Variants in TNRC6B observed in about 807,000 individuals in gnomAD.
TNRC6B encodes the protein trinucleotide repeat containing adaptor 6B.
In TNRC6B, 52 loss-of-function variants were observed where a neutral mutation model predicts 203.6. That is an observed-to-expected ratio of 0.26 (90% CI 0.20 to 0.32). The LOEUF is 0.32. Among genes scored for constraint, TNRC6B ranks in the 10% least tolerant of loss-of-function variants. The probability of loss-of-function intolerance (pLI) is 1.00; values close to 1 mark genes in which losing one functional copy is unlikely to be tolerated. For synonymous variants in TNRC6B, 838 were observed against 845.7 expected (o/e 0.99, Z 0.16); for missense variants, 1,923 against 2,286.2 (o/e 0.84, Z 3.24).
chr22:40,304,987 A>G (rs1309175954), intron 15 of TNRC6B, among the ~76,000 whole-genome samples: 1 of 152,196 alleles, frequency 6.6e-6, no homozygotes, highest in East Asian at 1.9e-4. Flanking sequence ...TTTTTAATGT[A>G]TAGCAAAAAG....
At chr22:40,222,955 C>G (rs536324167) in intron 1 of TNRC6B, among the ~76,000 whole-genome samples, 45 of 151,926 alleles carry the variant, frequency 3.0e-4, no homozygotes, top group African/African-American at 1.0e-3. Context: ...CCACGTCACC[C>G]AGGCTGGTCT....
chr22:40,165,789 A>G (rs552082373), intron 4 of TNRC6B, among the ~76,000 whole-genome samples: 7 of 152,088 alleles, frequency 4.6e-5, no homozygotes, highest in Non-Finnish European at 8.8e-5. Context: ...ATCACATCTC[A>G]TGAGAACTCA....
At position 40,240,590 on chromosome 22, in the gene TNRC6B, C is replaced by T. The variant is rs376701489; in HGVS notation, c.6-5425C>T. 9.9e-5 allele frequency among the ~76,000 whole-genome samples: 15 copies of T among 152,130 alleles called. No individual in the cohort carries two copies. In the East Asian group the frequency reaches 2.5e-3, roughly 25 times the overall value. ...CACAAAGTTAGGGAATTGGAGGTGC[C>T]CATAGTATTGCTTTGGAAGCCATAG... On this transcript the variant is annotated intron_variant, in intron 1 of 22. Transcript: ENST00000454349.
At chr22:40,091,173 CAG>C (rs1489168622) in intron 1 of TNRC6B, among the ~76,000 whole-genome samples, 1 of 151,762 alleles carries the variant, frequency 6.6e-6, no homozygotes, top group Non-Finnish European at 1.5e-5. Context: ...TTAGTAGAGA[CAG>C]GGTTTCACCG....
At chr22:40,071,263 C>G (rs951070842) in intron 1 of TNRC6B, among the ~76,000 whole-genome samples, 1 of 152,162 alleles carries the variant, frequency 6.6e-6, no homozygotes, top group Non-Finnish European at 1.5e-5. Flanking sequence ...TAGATACTTC[C>G]TACTCCTTGC....
chr22:40,153,017 G>A (rs1415591033), intron 3 of TNRC6B, among the ~76,000 whole-genome samples: 2 of 151,898 alleles, frequency 1.3e-5, no homozygotes, highest in Non-Finnish European at 2.9e-5. Flanking sequence ...CAGGAGAACC[G>A]CTTGAACCCA....
chr22:40,130,173 T>C (rs1601829973), intron 3 of TNRC6B, among the ~76,000 whole-genome samples: 2 of 152,040 alleles, frequency 1.3e-5, no homozygotes, highest in African/African-American at 2.4e-5. Flanking sequence ...AAGAAATGGG[T>C]TGAGGAAGGC....
chr22:40,308,412 AT>A (rs2071122591), intron 15 of TNRC6B, 99 bp from the exon 16 acceptor site: 1 of 1,352,166 alleles, frequency 7.4e-7, no homozygotes, highest in South Asian at 1.2e-5. Flanking sequence ...AACTCTGTGA[AT>A]TAGTCTTTGA....
Position 40,156,181 on chromosome 22 carries a change from CAGTG to C in TNRC6B, c.113+3_113+6del, listed in dbSNP as rs749546660. ...TCCACCTCCTGGTGAAGAAAGCAAA[CAGTG>C]AGTCACAGTTTATTTAAAAAGAGTC... On this transcript the variant is annotated splice_donor_variant and splice_donor_region_variant and coding_sequence_variant and intron_variant, in exon 4 of 24. Coordinates refer to the TNRC6B transcript ENST00000301923. LOFTEE classifies it high-confidence loss of function. 16 of 1,567,296 alleles carry C rather than the reference CAGTG, an allele frequency of 1.0e-5. No homozygotes were observed. The highest frequency in any genetic ancestry group is 1.4e-5 in the African/African-American group (1 of 73,850).
chr22:40,276,552 A>C (rs1272282812), intron 7 of TNRC6B, among the ~76,000 whole-genome samples: 1 of 152,158 alleles, frequency 6.6e-6, no homozygotes, highest in Admixed American at 6.5e-5. Flanking sequence ...TTTGCCCAGG[A>C]GATCAGCAAT....
Position 40,334,467 on chromosome 22 carries a change from TTATAACTTCACATTCTATGCCCTCCCCG to T in TNRC6B, c.*11227_*11254del, listed in dbSNP as rs2044012792. 1 of 152,568 alleles carries T rather than the reference TTATAACTTCACATTCTATGCCCTCCCCG, an allele frequency of 6.6e-6. No individual in the cohort carries two copies. Among genetic ancestry groups the T allele is most frequent in the Non-Finnish European group, 1.5e-5 (1 of 68,024 alleles). The allele number at this position is 152,568 out of a possible 1,614,324, so 9.5% of individuals were successfully genotyped here. A position where few individuals can be genotyped will look rare whatever the true frequency, so the allele number is the denominator to read the frequency against. On this transcript the variant is annotated 3_prime_UTR_variant, in exon 23 of 23. Coordinates refer to ENST00000454349, the MANE Select transcript of TNRC6B (RefSeq NM_001162501.2). ...CCACTCCTAACTCTCCACTATGTGC[TTATAACTTCACATTCTATGCCCTCCCCG>T]CCACCCACCTCATCCCTGTTCTGCG...
At chr22:40,289,519 G>A (rs1046332176) in intron 12 of TNRC6B, among the ~76,000 whole-genome samples, 6 of 152,100 alleles carry the variant, frequency 3.9e-5, no homozygotes, top group Non-Finnish European at 4.4e-5. Flanking sequence ...TGTATCAGCA[G>A]CATTTGACAG....
chr22:40,314,083 A>G (rs1396771139), intron 19 of TNRC6B, among the ~76,000 whole-genome samples: 3 of 152,170 alleles, frequency 2.0e-5, no homozygotes, highest in Non-Finnish European at 2.9e-5. Flanking sequence ...AAATGCCCAT[A>G]TCTCAGATTG....
chr22:40,144,451 G>A (rs999997774), intron 3 of TNRC6B, among the ~76,000 whole-genome samples: 5 of 152,102 alleles, frequency 3.3e-5, no homozygotes, highest in Admixed American at 6.6e-5. Context: ...CGAGGCGGGC[G>A]GATCACGAGG....
chr22:40,211,383 C>CT (rs35576070), intron 1 of TNRC6B, among the ~76,000 whole-genome samples: 103,005 of 151,718 alleles, frequency 0.68, 36,696 homozygotes, highest in African/African-American at 0.9. Context: ...CCGGCCTGTT[C>CT]TTTTTTTTCT....
intron 1 of TNRC6B, among the ~76,000 whole-genome samples, chr22:40,059,351 A>G (rs2067828419): frequency 6.6e-6 from 1 of 152,242 alleles, no homozygotes; most frequent in Admixed American, 6.5e-5. Context: ...TGCATTCATT[A>G]GTTCTAATGG....
chr22:40,280,172 A>G (rs910933186), intron 10 of TNRC6B, 29 bp downstream of exon 10: 1 of 1,599,088 alleles, frequency 6.3e-7, no homozygotes, highest in African/African-American at 1.3e-5. Context: ...TTAAGATAAT[A>G]ATTCATGAGA....
chr22:40,300,719 A>G (rs937422360), intron 13 of TNRC6B, 133 bp downstream of exon 13: 18 of 1,317,814 alleles, frequency 1.4e-5, no homozygotes, highest in African/African-American at 1.0e-4. Context: ...TTTGCAAACT[A>G]TGGAGTGTGC....
intron 3 of TNRC6B, 137 bp from the exon 4 acceptor site, chr22:40,261,695 G>C: frequency 1.4e-6 from 1 of 703,622 alleles, no homozygotes. Flanking sequence ...AGAGTCCCTT[G>C]AGCCCGAGTT....
Sources: allele counts gnomAD v4.1 joint callset (sites outside exome capture counted in the v4.1 genomes callset), GRCh38; gene constraint gnomAD v4.1.1; transcripts MANE v1.5; gene names NCBI Gene and HGNC (gene_info 2026-07-23, HGNC 2026-07-21).